The following METTL25 variants were observed in gnomAD, a reference collection of about 807,000 sequenced individuals.
METTL25 encodes methyltransferase like 25.
METTL25 carries 64 observed loss-of-function variants against 71.6 expected under a neutral mutation model. The observed-to-expected ratio is 0.89, with a 90% CI of 0.73 to 1.10. The LOEUF is 1.10. METTL25 is among the 50% of genes least tolerant of loss of function. The pLI, the probability that METTL25 is intolerant of heterozygous loss-of-function variation, is 0.00. For missense variants in METTL25, 807 were observed against 707.0 expected (o/e 1.14, Z -1.60); for synonymous variants, 287 against 250.3 (o/e 1.15, Z -1.38).
At chr12:82,434,600 T>C in intron 6 of METTL25, 95 bp from the exon 7 acceptor site, 1 of 983,400 alleles carries the variant, frequency 1.0e-6, no homozygotes, top group South Asian at 1.4e-5. Context: ...AATTAATCTT[T>C]CTAAATGTCA....
At chr12:82,390,494 G>A (rs1416393723) in intron 3 of METTL25, among the ~76,000 whole-genome samples, 4 of 152,018 alleles carry the variant, frequency 2.6e-5, no homozygotes, top group African/African-American at 7.2e-5. Context: ...AAAATAGTAA[G>A]TTATTTTTCT....
At chr12:82,440,860 G>T (rs1459361397) in intron 8 of METTL25, among the ~76,000 whole-genome samples, 1 of 152,000 alleles carries the variant, frequency 6.6e-6, no homozygotes. Flanking sequence ...AAGTAGGTAA[G>T]AATTATGGGA....
chr12:82,379,764 C>T (rs761453268), intron 1 of METTL25, among the ~76,000 whole-genome samples: 7 of 152,162 alleles, frequency 4.6e-5, no homozygotes, highest in Admixed American at 3.9e-4. Context: ...GTAATTCTTG[C>T]TTTCATCCTA....
intron 10 of METTL25, among the ~76,000 whole-genome samples, chr12:82,477,051 C>A (rs1292406391): frequency 2.0e-5 from 3 of 151,814 alleles, no homozygotes; most frequent in Admixed American, 6.6e-5. Context: ...TCACATATGA[C>A]TGCTTGTTGG....
chr12:82,436,071 A>G (rs939253795), intron 7 of METTL25, among the ~76,000 whole-genome samples: 2 of 151,492 alleles, frequency 1.3e-5, no homozygotes. Flanking sequence ...GTCTGGGGGA[A>G]AAAAGAGAGC....
intron 6 of METTL25, 148 bp downstream of exon 6, chr12:82,431,135 C>T (rs975928533): frequency 9.1e-6 from 4 of 438,346 alleles, no homozygotes; most frequent in African/African-American, 8.2e-5. Flanking sequence ...AAAAAAATGA[C>T]TTGCCCTTTA....
At chr12:82,423,895 C>T (rs928238827) in intron 5 of METTL25, among the ~76,000 whole-genome samples, 4 of 151,996 alleles carry the variant, frequency 2.6e-5, no homozygotes, top group Non-Finnish European at 4.4e-5. Context: ...AACAGGTTCT[C>T]GAGAGGATGT....
At chr12:82,379,302 G>A (rs571566791) in intron 1 of METTL25, among the ~76,000 whole-genome samples, 2 of 152,190 alleles carry the variant, frequency 1.3e-5, no homozygotes, top group African/African-American at 4.8e-5. Context: ...TCAATTCAAA[G>A]CAATTACTGC....
intron 1 of METTL25, among the ~76,000 whole-genome samples, chr12:82,377,083 A>G (rs1883949342): frequency 6.6e-6 from 1 of 152,110 alleles, no homozygotes; most frequent in Non-Finnish European, 1.5e-5. Flanking sequence ...ATTGCACTGC[A>G]GCCTGGGTGA....
chr12:82,385,957 C>T (rs1379020434), intron 1 of METTL25, among the ~76,000 whole-genome samples: 1 of 152,118 alleles, frequency 6.6e-6, no homozygotes, highest in African/African-American at 2.4e-5. Flanking sequence ...ACAGCCACAC[C>T]TGAGTTCAAC....
Position 82,358,839 on chromosome 12 carries a change from A to C in METTL25, c.259+15A>C. ...GTGGGAAGCAGGTGGGTGGTGGGGT[A>C]GGCGGGGCGGGAAGGGAGGCGGAGG... On this transcript the variant is annotated intron_variant, in intron 1 of 11. Coordinates refer to ENST00000248306, the MANE Select transcript of METTL25 (RefSeq NM_032230.3). The C allele has an allele frequency of 1.3e-6, 2 of 1,500,510 alleles. No homozygotes were observed. Among genetic ancestry groups the C allele is most frequent in the South Asian group, 1.1e-5 (1 of 88,162 alleles). The allele number at this position is 1,500,510 out of a possible 1,614,324, so 92.9% of individuals were successfully genotyped here.
In METTL25 at chr12:82,386,983, T is replaced by A. The variant is rs766300958; in HGVS notation, c.424+16T>A. On this transcript the variant is annotated intron_variant, in intron 2 of 11. Transcript: ENST00000248306. ...CAGAGAATTGGTATGTCTATTTATG[T>A]GTGTGTATGTGTGCTTTTTAGGTAC... 6.3e-7 allele frequency: 1 copy of A among 1,593,438 alleles called. No individual in the cohort carries two copies. Among genetic ancestry groups the A allele is most frequent in the South Asian group, 1.1e-5 (1 of 89,174 alleles).
intron 5 of METTL25, among the ~76,000 whole-genome samples, chr12:82,421,973 G>A (rs1208777771): frequency 3.3e-5 from 5 of 152,194 alleles, no homozygotes; most frequent in African/African-American, 1.2e-4. Context: ...GAGGTACAAG[G>A]AGGTGCTGGT....
At chr12:82,409,088 T>C (rs1045122321) in intron 5 of METTL25, among the ~76,000 whole-genome samples, 1 of 152,164 alleles carries the variant, frequency 6.6e-6, no homozygotes, top group Non-Finnish European at 1.5e-5. Flanking sequence ...ATATTTACTA[T>C]GTAAACAATA....
intron 1 of METTL25, among the ~76,000 whole-genome samples, chr12:82,371,111 A>G (rs1408396880): frequency 1.3e-5 from 2 of 152,254 alleles, no homozygotes; most frequent in African/African-American, 4.8e-5. Flanking sequence ...ACCTGGTTAC[A>G]GGCTGTCCCA....
chr12:82,431,188 A>C (rs1410639541), intron 6 of METTL25, among the ~76,000 whole-genome samples: 3 of 151,226 alleles, frequency 2.0e-5, no homozygotes, highest in Admixed American at 1.3e-4. Flanking sequence ...AAAATTATAT[A>C]TATTTTAATT....
At chr12:82,452,388 A>G (rs1891212215) in intron 8 of METTL25, among the ~76,000 whole-genome samples, 1 of 152,170 alleles carries the variant, frequency 6.6e-6, no homozygotes, top group South Asian at 2.1e-4. Flanking sequence ...CTGTAGTCTC[A>G]GCTACTCAGA....
Position 82,477,279 on chromosome 12 carries a change from A to G in METTL25, c.1648-2A>G. On this transcript the variant is annotated splice_acceptor_variant, in intron 10 of 11. Coordinates refer to ENST00000248306, the MANE Select transcript of METTL25 (RefSeq NM_032230.3). LOFTEE classifies it high-confidence loss of function. The stretch of plus-strand genomic sequence containing the variant: ...CCTACCTATCTAATTTTTTTATTTT[A>G]GTTGAAAGTTGTACTGGCTCCCTGT... 6.7e-7 allele frequency: 1 copy of G among 1,498,304 alleles called. No homozygotes were observed. Among genetic ancestry groups the G allele is most frequent in the Non-Finnish European group, 9.0e-7 (1 of 1,110,326 alleles). 92.8% of individuals were successfully genotyped at this position (1,498,304 alleles called of 1,614,324 possible).
chr12:82,369,439 A>T, intron 1 of METTL25: 1 of 450,380 alleles, frequency 2.2e-6, no homozygotes, highest in Admixed American at 2.4e-5. Context: ...CTTTGCGGTG[A>T]CTGTTACAGC....
Sources: allele counts gnomAD v4.1 joint callset (sites outside exome capture counted in the v4.1 genomes callset), GRCh38; gene constraint gnomAD v4.1.1; transcripts MANE v1.5; gene names NCBI Gene and HGNC (gene_info 2026-07-23, HGNC 2026-07-21).